Variants in SLC24A2 observed in about 807,000 individuals in gnomAD.
The protein encoded by SLC24A2 is sodium/potassium/calcium exchanger 2.
In SLC24A2, 36 loss-of-function variants were observed where a neutral mutation model predicts 62.0. The ratio of observed to expected loss-of-function variants is 0.58; its 90% CI spans 0.44 to 0.77. SLC24A2 has a LOEUF of 0.77. Among genes scored for constraint, SLC24A2 ranks in the 30% least tolerant of loss-of-function variants. The pLI is 0.00. For synonymous variants in SLC24A2, 358 were observed against 294.0 expected, an observed-to-expected ratio of 1.22 and a Z score of -2.23; for missense variants, 846 against 817.9, an observed-to-expected ratio of 1.03 and a Z score of -0.42.
intron 4 of SLC24A2, among the ~76,000 whole-genome samples, chr9:19,600,980 C>T (rs998316928): frequency 8.5e-5 from 13 of 152,174 alleles, no homozygotes; most frequent in African/African-American, 2.9e-4. Flanking sequence ...GCCAGCTGGA[C>T]TTCCTGGGTC....
chr9:20,222,492 G>A, the SLC24A2 span, among the ~76,000 whole-genome samples: 3 of 151,954 alleles, frequency 2.0e-5, no homozygotes, highest in East Asian at 5.8e-4. Context: ...TAAAAGACAA[G>A]GCAAATATCC....
the SLC24A2 span, among the ~76,000 whole-genome samples, chr9:20,267,662 A>G: frequency 5.9e-5 from 9 of 152,344 alleles, no homozygotes; most frequent in South Asian, 1.7e-3. Flanking sequence ...TGTGTCTGCC[A>G]CATAGTAGGT....
chr9:19,709,091 G>A (rs543271468), intron 2 of SLC24A2, among the ~76,000 whole-genome samples: 37 of 152,228 alleles, frequency 2.4e-4, no homozygotes, highest in East Asian at 7.7e-4. Context: ...AAAAGGGGGC[G>A]AAGGATATGA....
intron 8 of SLC24A2, among the ~76,000 whole-genome samples, chr9:19,531,773 C>A (rs924881955): frequency 7.5e-6 from 1 of 132,826 alleles, no homozygotes; most frequent in African/African-American, 2.8e-5. Flanking sequence ...AATCTCTGCT[C>A]ACAAATTACC....
chr9:19,880,966 C>A, the SLC24A2 span, among the ~76,000 whole-genome samples: 1 of 152,130 alleles, frequency 6.6e-6, no homozygotes, highest in African/African-American at 2.4e-5. Flanking sequence ...TCTCTACTAG[C>A]TGTGGCCCTG....
the SLC24A2 span, among the ~76,000 whole-genome samples, chr9:20,110,606 G>C: frequency 3.9e-5 from 6 of 151,988 alleles, no homozygotes; most frequent in East Asian, 1.9e-4. Context: ...ATGCCACCCA[G>C]AGTCAGTAAA....
At chr9:19,961,836 A>C in the SLC24A2 span, among the ~76,000 whole-genome samples, 1 of 152,206 alleles carries the variant, frequency 6.6e-6, no homozygotes, top group Admixed American at 6.5e-5. Context: ...GAAAAACTAA[A>C]GCCTCCCACC....
chr9:19,720,901 T>C (rs1821008100), intron 2 of SLC24A2, among the ~76,000 whole-genome samples: 1 of 150,778 alleles, frequency 6.6e-6, no homozygotes, highest in Non-Finnish European at 1.5e-5. Flanking sequence ...TAAAAGCTTC[T>C]ACCAGCATCA....
At chr9:19,767,371 G>C (rs912496481) in intron 2 of SLC24A2, among the ~76,000 whole-genome samples, 1 of 152,216 alleles carries the variant, frequency 6.6e-6, no homozygotes, top group African/African-American at 2.4e-5. Context: ...TCTGCAGCTA[G>C]CTCAGTGTCT....
At chr9:19,544,216 T>G (rs1327660445) in intron 8 of SLC24A2, among the ~76,000 whole-genome samples, 1 of 151,846 alleles carries the variant, frequency 6.6e-6, no homozygotes, top group African/African-American at 2.4e-5. Context: ...TTTGTTGGTT[T>G]AAAGTCTGTT....
the SLC24A2 span, among the ~76,000 whole-genome samples, chr9:20,088,045 G>C: frequency 1.3e-5 from 2 of 152,220 alleles, no homozygotes; most frequent in African/African-American, 4.8e-5. Flanking sequence ...TAGAGTCTTG[G>C]AAGAGAGGCC....
At chr9:20,097,720 ATTTTTTTTTTTTTTTTTTTTT>A in the SLC24A2 span, among the ~76,000 whole-genome samples, 481 of 69,138 alleles carry the variant, frequency 7.0e-3, 8 homozygotes, top group African/African-American at 0.019. Context: ...ATCTTAAATA[ATTTTTTTTTTTTTTTTTTTTT>A]TTTTTTTTTT....
chr9:19,727,966 A>G (rs1587228731), intron 2 of SLC24A2, among the ~76,000 whole-genome samples: 1 of 152,182 alleles, frequency 6.6e-6, no homozygotes, highest in East Asian at 1.9e-4. Context: ...CTGAGGACCT[A>G]AACAGCTCTG....
intron 2 of SLC24A2, among the ~76,000 whole-genome samples, chr9:19,698,452 AT>A (rs1820256840): frequency 6.6e-6 from 1 of 152,196 alleles, no homozygotes; most frequent in Non-Finnish European, 1.5e-5. Context: ...GGTTCCAAGC[AT>A]TTTGGATAAG....
chr9:20,188,838 G>A, the SLC24A2 span, among the ~76,000 whole-genome samples: 2 of 152,204 alleles, frequency 1.3e-5, no homozygotes, highest in Middle Eastern at 3.2e-3. Flanking sequence ...CAGTAAAACT[G>A]ATGGTAGGCT....
At chr9:19,602,205 C>T (rs543478030) in intron 4 of SLC24A2, among the ~76,000 whole-genome samples, 10 of 152,248 alleles carry the variant, frequency 6.6e-5, no homozygotes, top group South Asian at 2.1e-4. Flanking sequence ...CATTCTAGTA[C>T]GTCCCTCAAT....
chr9:20,161,757 T>TACAC, the SLC24A2 span, among the ~76,000 whole-genome samples: 55,227 of 147,092 alleles, frequency 0.38, 10,725 homozygotes, highest in Middle Eastern at 0.56. Flanking sequence ...AACATGAAGA[T>TACAC]ACACACACAC....
chr9:20,081,800 A>G, the SLC24A2 span, among the ~76,000 whole-genome samples: 3 of 152,140 alleles, frequency 2.0e-5, no homozygotes, highest in Non-Finnish European at 4.4e-5. Flanking sequence ...TTCCTCAGAT[A>G]TCATTGGGTG....
At chr9:19,655,278 T>C (rs1255611205) in intron 2 of SLC24A2, among the ~76,000 whole-genome samples, 1 of 152,226 alleles carries the variant, frequency 6.6e-6, no homozygotes, top group Admixed American at 6.5e-5. Context: ...CCGAGGTTTT[T>C]GGTGGCATTT....
Sources: gnomAD v4.1 joint callset for allele counts (sites outside exome capture counted in the v4.1 genomes callset) on GRCh38, gnomAD v4.1.1 for gene constraint, MANE v1.5 for transcripts, NCBI Gene and HGNC (gene_info 2026-07-23, HGNC 2026-07-21) for gene names.